HDAC3: variants seen among roughly 807,000 people sequenced by gnomAD.
HDAC3 encodes the protein histone deacetylase 3.
Under a neutral mutation model 62.3 loss-of-function variants are expected in HDAC3, and 21 were observed. The observed-to-expected ratio is 0.34, with a 90% CI of 0.24 to 0.49. The LOEUF is 0.49. Ranked by LOEUF, HDAC3 falls within the 20% of genes least tolerant of loss-of-function variation. HDAC3 has a pLI of 0.99. For missense variants in HDAC3, 270 were observed against 556.9 expected, an observed-to-expected ratio of 0.48 and a Z score of 5.19; for synonymous variants, 198 against 206.5, an observed-to-expected ratio of 0.96 and a Z score of 0.35.
Position 141,626,212 on chromosome 5 carries a change from C to G in HDAC3, c.902G>C (p.Arg301Pro), listed in dbSNP as rs1554216303. The G allele has an allele frequency of 6.2e-7, 1 of 1,613,904 alleles. No homozygotes were observed. Among genetic ancestry groups the G allele is most frequent in the Admixed American group, 1.7e-5 (1 of 59,982 alleles). Residue 301 changes from arginine to proline, a missense_variant, in exon 11 of 15, where the codon CGA becomes CCA. By Grantham distance (103) the Arg-to-Pro change is moderately radical. Around this residue, in one of 5 missense-constraint regions of HDAC3, gnomAD observed 156 missense variants for 383.9 expected, o/e 0.41. Transcript: ENST00000305264. The surrounding 1 kb of genome is among the most constrained non-coding windows in gnomAD (Gnocchi z 4.6). ...TGCTCACCAGCAGCGGGCAACATTTCGGACAGTATAACCACCACCACCCAG... is the reference window on the plus strand; with the variant it reads ...TGCTCACCAGCAGCGGGCAACATTTGGGACAGTATAACCACCACCACCCAG... ...LVLGGGGYTV[R>P]NVARCWTYET...
Position 141,625,446 on chromosome 5 carries a change from T to A in HDAC3, c.1060-81A>T. The A allele has an allele frequency of 1.1e-5, 16 of 1,497,348 alleles. No homozygotes were observed. Among genetic ancestry groups the A allele is most frequent in the Non-Finnish European group, 1.4e-5 (15 of 1,079,358 alleles). 92.8% of individuals were successfully genotyped at this position (1,497,348 alleles called of 1,614,324 possible). On this transcript the variant is annotated intron_variant, in intron 13 of 14. Transcript: ENST00000305264. This position sits in a 1 kb window ranked among gnomAD's most constrained non-coding sequence, Gnocchi z 4.0. Reference sequence around the variant, plus strand: ...GAATCTCCTAGCTGCCTTTTACCCCTACCATACTGGTTTTCATCTCAGTGG... The same window carrying A: ...GAATCTCCTAGCTGCCTTTTACCCCAACCATACTGGTTTTCATCTCAGTGG...
chr5:141,626,187 T>C lies in HDAC3; in HGVS notation c.920+7A>G, dbSNP rs546914610. The stretch of plus-strand genomic sequence containing the variant: ...ACAACAGGGGAGGAAATCAGGAGAG[T>C]GCTCACCAGCAGCGGGCAACATTTC... On this transcript the variant is annotated splice_region_variant and intron_variant, in intron 11 of 14. Coordinates refer to ENST00000305264, the MANE Select transcript of HDAC3 (RefSeq NM_003883.4). This position sits in a 1 kb window ranked among gnomAD's most constrained non-coding sequence, Gnocchi z 4.6. The C allele has an allele frequency of 4.6e-5, 74 of 1,613,190 alleles. No homozygotes were observed. In the South Asian group the frequency reaches 7.0e-4, roughly 15 times the overall value.
chr5:141,629,266 G>A lies in HDAC3; in HGVS notation c.517C>T (p.His173Tyr). Residue 173 changes from histidine to tyrosine, a missense_variant, in exon 7 of 15, where the codon CAT becomes TAT. By Grantham distance (83) the His-to-Tyr change is moderately conservative. Around this residue, in one of 5 missense-constraint regions of HDAC3, gnomAD observed 156 missense variants for 383.9 expected, o/e 0.41. Transcript: ENST00000305264. The surrounding 1 kb of genome is among the most constrained non-coding windows in gnomAD (Gnocchi z 5.3). ...AAAGCTTCTTGAACCCCGTCACCAT[G>A]GTGGATGTCAATGTCAATGTAGAGC... ...RVLYIDIDIH[H>Y]GDGVQEAFYL... is the part of the protein sequence containing the mutation. 1 of 1,614,162 alleles carries A rather than the reference G, an allele frequency of 6.2e-7. No homozygotes were observed. Among genetic ancestry groups the A allele is most frequent in the Non-Finnish European group, 8.5e-7 (1 of 1,180,014 alleles).
rs1311105714 is a variant in HDAC3, at chr5:141,628,267, C to G, written c.692-80G>C. ...GAACAAAAGGAAAAAGGGGGTTGAG[C>G]GAGCATGTAGCCCAGGAAAGGGGCC... On this transcript the variant is annotated intron_variant, in intron 8 of 14. Transcript: ENST00000305264. This position sits in a 1 kb window ranked among gnomAD's most constrained non-coding sequence, Gnocchi z 4.7. The G allele has an allele frequency of 1.6e-6, 2 of 1,239,144 alleles. No homozygotes were observed. Among genetic ancestry groups the G allele is most frequent in the East Asian group, 4.7e-5 (2 of 42,310 alleles). The allele number at this position is 1,239,144 out of a possible 1,614,324, so 76.8% of individuals were successfully genotyped here.
At position 141,625,341 on chromosome 5, in the gene HDAC3, T is replaced by C. The variant is rs748564592; in HGVS notation, c.1084A>G (p.Ile362Val). 7 of 1,613,992 alleles carry C rather than the reference T, an allele frequency of 4.3e-6. No homozygotes were observed. The highest frequency in any genetic ancestry group is 1.7e-5 in the Admixed American group (1 of 59,988). ...RQYLDQIRQT[I>V]FENLKMLNHA... ...TTCAGCATCTTCAGGTTTTCAAAGA[T>C]TGTCTGGCGGATCTGGTCCAGATAC... is the stretch of plus-strand genomic sequence containing the variant. Residue 362 changes from isoleucine to valine, a missense_variant, in exon 14 of 15, where the codon ATC becomes GTC. Physicochemically the swap from Ile to Val is conservative, Grantham distance 29 (BLOSUM62 3). Around this residue, in one of 5 missense-constraint regions of HDAC3, gnomAD observed 156 missense variants for 383.9 expected, o/e 0.41. Coordinates refer to ENST00000305264, the MANE Select transcript of HDAC3 (RefSeq NM_003883.4). This position sits in a 1 kb window ranked among gnomAD's most constrained non-coding sequence, Gnocchi z 4.0.
At chr5:141,632,012 G>T (rs1234897950) in intron 3 of HDAC3, among the ~76,000 whole-genome samples, 1 of 150,916 alleles carries the variant, frequency 6.6e-6, no homozygotes, top group Non-Finnish European at 1.5e-5. Context: ...GAAAAGGAGA[G>T]GTCTGGAATT....
chr5:141,622,553 G>A (rs569986578), intron 14 of HDAC3, among the ~76,000 whole-genome samples: 22 of 151,844 alleles, frequency 1.4e-4, no homozygotes, highest in Admixed American at 7.2e-4. Flanking sequence ...GCAGTGAGCC[G>A]GGATTAGCCA....
In HDAC3 at chr5:141,631,227, G is replaced by A. The variant is rs990072297; in HGVS notation, c.282-1102C>T. 4.6e-5 allele frequency among the ~76,000 whole-genome samples: 7 copies of A among 151,960 alleles called. No individual in the cohort carries two copies. In the East Asian group the frequency reaches 9.6e-4, roughly 21 times the overall value. On this transcript the variant is annotated intron_variant, in intron 3 of 14. Coordinates refer to ENST00000305264, the MANE Select transcript of HDAC3 (RefSeq NM_003883.4). ...TTTTGAGATGGGGTCTTGCTCTGTCGCCCAGGCTGGGGTGCAATGGTGCGA... is the reference window on the plus strand; with the variant it reads ...TTTTGAGATGGGGTCTTGCTCTGTCACCCAGGCTGGGGTGCAATGGTGCGA...
chr5:141,630,788 A>G (rs1196030625), intron 3 of HDAC3, among the ~76,000 whole-genome samples: 1 of 151,760 alleles, frequency 6.6e-6, no homozygotes, highest in Non-Finnish European at 1.5e-5. Context: ...CAGAGAAGTT[A>G]TTAACTACAA....
Position 141,636,406 on chromosome 5 carries a change from T to C in HDAC3, c.138+142A>G, listed in dbSNP as rs887430303. Reference sequence around the variant, plus strand: ...ACGCCACCCCCAACACCCTGCACTTTCAAGGTACTCCTGGTGACTTCTATC... The same window carrying C: ...ACGCCACCCCCAACACCCTGCACTTCCAAGGTACTCCTGGTGACTTCTATC... On this transcript the variant is annotated intron_variant, in intron 2 of 14. Coordinates refer to ENST00000305264, the MANE Select transcript of HDAC3 (RefSeq NM_003883.4). 4.1e-6 allele frequency: 3 copies of C among 724,904 alleles called. No individual in the cohort carries two copies. In the African/African-American group the frequency reaches 5.3e-5, roughly 13 times the overall value. The allele number at this position is 724,904 out of a possible 1,614,324, so 44.9% of individuals were successfully genotyped here. A position where few individuals can be genotyped will look rare whatever the true frequency, so the allele number is the denominator to read the frequency against.
rs58610895 is a variant in HDAC3, at chr5:141,624,372, CAAAAAAAAAAAA to C, written c.1217+824_1217+835del. 2.2e-3 allele frequency among the ~76,000 whole-genome samples: 49 copies of C among 22,100 alleles called. 1 individual carries two copies. The highest frequency in any genetic ancestry group is 4.5e-3 in the East Asian group (3 of 666). The allele number at this position is 22,100 out of a possible 152,430, so 14.5% of individuals were successfully genotyped here. On this transcript the variant is annotated intron_variant, in intron 14 of 14. Coordinates refer to ENST00000305264, the MANE Select transcript of HDAC3 (RefSeq NM_003883.4). ...CAACAAGGCAAGACTCCGTCTCTACCAAAAAAAAAAAAAAAAAAAAAAAAAAAAAAAAAAATT... is the reference window on the plus strand; with the variant it reads ...CAACAAGGCAAGACTCCGTCTCTACCAAAAAAAAAAAAAAAAAAAAAAATT...
chr5:141,636,681 C>A (rs1170443170), intron 1 of HDAC3, 51 bp from the exon 2 acceptor site: 5 of 1,613,060 alleles, frequency 3.1e-6, no homozygotes, highest in Non-Finnish European at 3.4e-6. Context: ...GGAGTTGCAA[C>A]CCCGCCTCAA....
At chr5:141,623,022 C>T (rs1054838097) in intron 14 of HDAC3, among the ~76,000 whole-genome samples, 3 of 152,012 alleles carry the variant, frequency 2.0e-5, no homozygotes, top group African/African-American at 4.8e-5. Flanking sequence ...ACTTGGGAGG[C>T]TAAGGCAGGA....
Position 141,626,369 on chromosome 5 carries a change from A to C in HDAC3, c.831-86T>G. 1 of 905,462 alleles carries C rather than the reference A, an allele frequency of 1.1e-6. No individual in the cohort carries two copies. Among genetic ancestry groups the C allele is most frequent in the Non-Finnish European group, 1.8e-6 (1 of 558,474 alleles). The allele number at this position is 905,462 out of a possible 1,614,324, so 56.1% of individuals were successfully genotyped here. ...TTAGGTATTGCCTGAAAGGAGCACA[A>C]GAAAACTATAAATGTTCTAAATCTT... On this transcript the variant is annotated intron_variant, in intron 10 of 14. Coordinates refer to ENST00000305264, the MANE Select transcript of HDAC3 (RefSeq NM_003883.4). This position sits in a 1 kb window ranked among gnomAD's most constrained non-coding sequence, Gnocchi z 4.6.
chr5:141,630,789 T>C (rs577584289), intron 3 of HDAC3, among the ~76,000 whole-genome samples: 28 of 151,994 alleles, frequency 1.8e-4, no homozygotes, highest in Non-Finnish European at 3.1e-4. Flanking sequence ...AGAGAAGTTA[T>C]TAACTACAAA....
chr5:141,635,166 C>T (rs1243482444), intron 2 of HDAC3: 1 of 495,874 alleles, frequency 2.0e-6, no homozygotes, highest in Non-Finnish European at 3.6e-6. Flanking sequence ...CTTTCCACCT[C>T]CAGCTCAGCC....
At chr5:141,624,137 C>G (rs1481127230) in intron 14 of HDAC3, among the ~76,000 whole-genome samples, 2 of 150,526 alleles carry the variant, frequency 1.3e-5, no homozygotes, top group Non-Finnish European at 2.9e-5. Flanking sequence ...GAGAGTATTA[C>G]GCAGGCAGTG....
At position 141,626,383 on chromosome 5, in the gene HDAC3, G is replaced by A; in HGVS notation, c.831-100C>T. 1.2e-6 allele frequency: 1 copy of A among 819,520 alleles called. No homozygotes were observed. Among genetic ancestry groups the A allele is most frequent in the Non-Finnish European group, 2.0e-6 (1 of 489,864 alleles). The allele number at this position is 819,520 out of a possible 1,614,324, so 50.8% of individuals were successfully genotyped here. On this transcript the variant is annotated intron_variant, in intron 10 of 14. Coordinates refer to ENST00000305264, the MANE Select transcript of HDAC3 (RefSeq NM_003883.4). The surrounding 1 kb of genome is among the most constrained non-coding windows in gnomAD (Gnocchi z 4.6). ...AAAGGAGCACAAGAAAACTATAAAT[G>A]TTCTAAATCTTTATCTTGATAGTGA...
intron 2 of HDAC3, among the ~76,000 whole-genome samples, chr5:141,635,747 G>A (rs2099905874): frequency 1.3e-5 from 2 of 152,222 alleles, no homozygotes; most frequent in Non-Finnish European, 2.9e-5. Flanking sequence ...TGGGACTACA[G>A]GCACACCCAC....
Sources: allele counts gnomAD v4.1 joint callset (sites outside exome capture counted in the v4.1 genomes callset), GRCh38; gene constraint gnomAD v4.1.1; regional missense constraint gnomAD v4.1.1; non-coding constraint Gnocchi (gnomAD v3.1); transcripts MANE v1.5; gene names NCBI Gene and HGNC (gene_info 2026-07-23, HGNC 2026-07-21).